The following FGF13 variants were observed in gnomAD, a reference collection of about 807,000 sequenced individuals.
The protein encoded by FGF13 is fibroblast growth factor homologous factor 2.
In FGF13, 2 loss-of-function variants were observed where a neutral mutation model predicts 19.5. The ratio of observed to expected loss-of-function variants is 0.10; its 90% CI spans 0.04 to 0.32. The LOEUF (loss-of-function observed/expected upper bound fraction) is 0.32, where lower values mean the gene tolerates loss of function less well. FGF13 is among the 10% of genes least tolerant of loss of function. The pLI is 1.00. For missense variants in FGF13, 113 were observed against 192.7 expected (o/e 0.59, Z 2.45); for synonymous variants, 72 against 76.9 (o/e 0.94, Z 0.33).
rs762508654 is a variant in FGF13 at position 138,811,610 on chromosome X, TA to T, written c.217+45901del. ...AAAGTATAATAATAATAAAAAAGAATAAAAAAATAGTTTTCTGCCTCTGTAA... is the reference window on the plus strand; with the variant it reads ...AAAGTATAATAATAATAAAAAAGAATAAAAAATAGTTTTCTGCCTCTGTAA... On this transcript the variant is annotated intron_variant, in intron 3 of 6. Transcript: ENST00000436198. Among the ~76,000 whole-genome samples the T allele has an allele frequency of 3.8e-4, 42 of 110,749 alleles. 1 individual carries two copies. The highest frequency in any genetic ancestry group is 1.7e-3 in the East Asian group (6 of 3,512).
At chrX:139,104,930 T>G (rs1297456073) in intron 1 of FGF13, among the ~76,000 whole-genome samples, 1 of 111,668 alleles carries the variant, frequency 9.0e-6, no homozygotes, top group Non-Finnish European at 1.9e-5. Context: ...TCCACTCCTT[T>G]TACAGAGAAA....
At chrX:139,080,797 T>C (rs979401026) in intron 1 of FGF13, among the ~76,000 whole-genome samples, 4 of 111,102 alleles carry the variant, frequency 3.6e-5, no homozygotes, top group Non-Finnish European at 7.5e-5. Context: ...AGTGAGGAAA[T>C]AGAAGCAATT....
At chrX:139,081,105 C>G (rs1160070996) in intron 1 of FGF13, among the ~76,000 whole-genome samples, 1 of 111,035 alleles carries the variant, frequency 9.0e-6, no homozygotes, top group East Asian at 2.8e-4. Context: ...TCGTTTCCTC[C>G]CATTCTCTTT....
At chrX:139,196,928 G>A (rs2084376909) in intron 1 of FGF13, among the ~76,000 whole-genome samples, 1 of 112,266 alleles carries the variant, frequency 8.9e-6, no homozygotes, top group Admixed American at 9.4e-5. Flanking sequence ...AATTATTTCT[G>A]CCACGTATCT....
At chrX:138,994,539 T>C (rs902778016) in intron 1 of FGF13, among the ~76,000 whole-genome samples, 1 of 111,794 alleles carries the variant, frequency 8.9e-6, no homozygotes, top group African/African-American at 3.2e-5. Flanking sequence ...AGTTGACTAA[T>C]TATTATTTCA....
chrX:138,886,152 T>C (rs769787389), intron 1 of FGF13, among the ~76,000 whole-genome samples: 3 of 112,010 alleles, frequency 2.7e-5, no homozygotes, highest in African/African-American at 9.7e-5. Context: ...TAAGAAAGAA[T>C]GTACTTTCAC....
At chrX:138,997,357 T>C (rs1569438677) in intron 1 of FGF13, among the ~76,000 whole-genome samples, 1 of 111,684 alleles carries the variant, frequency 9.0e-6, no homozygotes, top group East Asian at 2.8e-4. Context: ...GAAGTACGCT[T>C]CAGAAGGTGG....
At chrX:139,018,191 A>C (rs902349260) in intron 1 of FGF13, among the ~76,000 whole-genome samples, 1 of 111,749 alleles carries the variant, frequency 8.9e-6, no homozygotes, top group African/African-American at 3.3e-5. Flanking sequence ...TTCAACTCTT[A>C]AATCTTCCAG....
intron 1 of FGF13, among the ~76,000 whole-genome samples, chrX:139,173,443 G>A (rs1362382143): frequency 9.1e-6 from 1 of 109,755 alleles, no homozygotes; most frequent in African/African-American, 3.3e-5. Context: ...GGGATACATG[G>A]GCAGAACGTG....
At chrX:138,897,301 C>T (rs371268461) in intron 1 of FGF13, among the ~76,000 whole-genome samples, 24 of 111,133 alleles carry the variant, frequency 2.2e-4, no homozygotes, top group East Asian at 2.0e-3. Context: ...TGAGCCACCA[C>T]GCCCAGCTTA....
At chrX:139,029,443 ACTGCC>A (rs1339333384) in intron 1 of FGF13, among the ~76,000 whole-genome samples, 75 of 112,211 alleles carry the variant, frequency 6.7e-4, no homozygotes, top group African/African-American at 2.4e-3. Flanking sequence ...AGGAAATTTT[ACTGCC>A]CTATCCAGAT....
intron 1 of FGF13, among the ~76,000 whole-genome samples, chrX:139,073,655 T>G (rs1424494978): frequency 8.9e-6 from 1 of 111,824 alleles, no homozygotes; most frequent in African/African-American, 3.3e-5. Context: ...TTTGAAGATA[T>G]CTAGCCCAAG....
intron 1 of FGF13, among the ~76,000 whole-genome samples, chrX:139,146,658 AC>A (rs1321058450): frequency 6.2e-5 from 7 of 112,238 alleles, no homozygotes; most frequent in Non-Finnish European, 1.1e-4. Flanking sequence ...TGCTATAAAT[AC>A]ACATACACAT....
At chrX:138,635,827 T>A (rs1461335726) in intron 3 of FGF13, among the ~76,000 whole-genome samples, 172 bp from the exon 4 acceptor site, 1 of 112,413 alleles carries the variant, frequency 8.9e-6, no homozygotes, top group Non-Finnish European at 1.9e-5. Context: ...AGACTACATA[T>A]AACATTTCAC....
intron 3 of FGF13, among the ~76,000 whole-genome samples, chrX:138,683,401 T>A (rs746267040): frequency 6.8e-4 from 71 of 104,850 alleles, no homozygotes; most frequent in African/African-American, 1.1e-3. Flanking sequence ...ACAAACACAC[T>A]CTCTCTCTCT....
intron 1 of FGF13, among the ~76,000 whole-genome samples, chrX:139,146,761 C>A (rs1015658247): frequency 8.9e-5 from 10 of 111,868 alleles, no homozygotes; most frequent in African/African-American, 3.3e-4. Context: ...AAATGTGGCA[C>A]ATATACCCCA....
chrX:139,199,524 G>A (rs913643368), intron 1 of FGF13, among the ~76,000 whole-genome samples: 1 of 112,085 alleles, frequency 8.9e-6, no homozygotes, highest in African/African-American at 3.2e-5. Context: ...AAGAGACCTG[G>A]AACGCTGTTT....
intron 1 of FGF13, among the ~76,000 whole-genome samples, chrX:139,054,018 T>A (rs754318753): frequency 9.0e-6 from 1 of 110,784 alleles, no homozygotes; most frequent in African/African-American, 3.3e-5. Context: ...GGGTGTCCTT[T>A]CCACACCTTA....
chrX:138,977,146 T>A (rs773112534), intron 1 of FGF13, among the ~76,000 whole-genome samples: 1 of 111,933 alleles, frequency 8.9e-6, no homozygotes, highest in Non-Finnish European at 1.9e-5. Context: ...GTTCACATGA[T>A]GAACACTGGC....
Sources: allele counts gnomAD v4.1 joint callset (sites outside exome capture counted in the v4.1 genomes callset), GRCh38; gene constraint gnomAD v4.1.1; transcripts MANE v1.5; gene names NCBI Gene and HGNC (gene_info 2026-07-23, HGNC 2026-07-21).